Variants in TERF2IP observed in about 807,000 individuals in gnomAD.
TERF2IP encodes telomeric repeat-binding factor 2-interacting protein 1.
TERF2IP carries 35 observed loss-of-function variants against 33.3 expected under a neutral mutation model. That is an observed-to-expected ratio of 1.05 (90% CI 0.80 to 1.39). The LOEUF is 1.39. Among genes scored for constraint, TERF2IP ranks in the 40% most tolerant of loss-of-function variants. TERF2IP has a pLI of 0.00. For synonymous variants in TERF2IP, 253 were observed against 223.2 expected (o/e 1.13, Z -1.19); for missense variants, 583 against 524.8 (o/e 1.11, Z -1.08).
At chr16:75,650,745 C>T (rs979316981) in intron 1 of TERF2IP, among the ~76,000 whole-genome samples, 1 of 152,054 alleles carries the variant, frequency 6.6e-6, no homozygotes, top group Admixed American at 6.5e-5. Flanking sequence ...CCGTGTTGCC[C>T]AGGCTGGTCT....
chr16:75,656,230 T>G lies in TERF2IP; in HGVS notation c.819T>G (p.Phe273Leu), dbSNP rs1386930779. ...AGGTGGATGAGAGCCCTCCTGATTT[T>G]GAAATACATATAACTATGTGTGATG... ...EVVVDESPPD[F>L]EIHITMCDDD... The change falls in exon 3 of 3, where the codon TTT (phenylalanine) becomes TTG (leucine). Residue 273 changes from phenylalanine (F) to leucine (L), a missense_variant. Transcript: ENST00000300086. 1 of 1,609,014 alleles carries G rather than the reference T, an allele frequency of 6.2e-7. No homozygotes were observed. The highest frequency in any genetic ancestry group is 1.3e-5 in the African/African-American group (1 of 74,544).
intron 1 of TERF2IP, 152 bp downstream of exon 1, chr16:75,648,704 G>C (rs1397908604): frequency 2.1e-6 from 3 of 1,432,212 alleles, no homozygotes; most frequent in African/African-American, 1.4e-5. Context: ...CCATTTTCTT[G>C]CCTTCTCGCT....
In TERF2IP at chr16:75,656,241, T is replaced by C. The variant is rs1326359671; in HGVS notation, c.830T>C (p.Ile277Thr). 1.9e-6 allele frequency: 3 copies of C among 1,613,424 alleles called. No individual in the cohort carries two copies. The highest frequency in any genetic ancestry group is 1.7e-5 in the Admixed American group (1 of 59,854). ...DESPPDFEIH[I>T]TMCDDDPPTP... ...AGCCCTCCTGATTTTGAAATACATA[T>C]AACTATGTGTGATGATGATCCACCC... Residue 277 changes from isoleucine to threonine, a missense_variant, in exon 3 of 3, where the codon ATA becomes ACA. By Grantham distance (89) the Ile-to-Thr change is moderately conservative. Coordinates refer to ENST00000300086, the MANE Select transcript of TERF2IP (RefSeq NM_018975.4).
intron 2 of TERF2IP, among the ~76,000 whole-genome samples, chr16:75,655,672 C>G (rs2082379198): frequency 6.6e-6 from 1 of 152,206 alleles, no homozygotes; most frequent in Non-Finnish European, 1.5e-5. Context: ...TGTAATCTGT[C>G]TAACCAGTAT....
In TERF2IP at chr16:75,647,831, G is replaced by A; in HGVS notation, c.-52G>A. On this transcript the variant is annotated 5_prime_UTR_variant, in exon 1 of 3. In the 5' UTR this introduces an upstream ATG that the reference lacks. Transcript: ENST00000300086. ...GACAGCTCAGTCAGTTGAGCTCTGT[G>A]TGCCAGGCGCTCGCGAGGGGGTAGC... The A allele has an allele frequency of 6.3e-7, 1 of 1,596,750 alleles. No homozygotes were observed.
intron 1 of TERF2IP, among the ~76,000 whole-genome samples, chr16:75,650,252 G>T (rs2082337242): frequency 6.6e-6 from 1 of 152,182 alleles, no homozygotes; most frequent in Admixed American, 6.5e-5. Flanking sequence ...CCTATAGGAT[G>T]ATAAGAGAAG....
intron 1 of TERF2IP, among the ~76,000 whole-genome samples, chr16:75,649,428 C>G (rs1836547): frequency 0.13 from 19,281 of 151,810 alleles, 2,751 homozygotes; most frequent in East Asian, 0.71. Flanking sequence ...CCTGTAGTCC[C>G]AGCTACTCAG....
rs982005457 is a variant in TERF2IP, at chr16:75,657,294, A to T, written c.*683A>T. The T allele has an allele frequency of 6.6e-6, 1 of 152,240 alleles. No individual in the cohort carries two copies. Among genetic ancestry groups the T allele is most frequent in the Non-Finnish European group, 1.5e-5 (1 of 68,052 alleles). The allele number at this position is 152,240 out of a possible 1,614,324, so 9.4% of individuals were successfully genotyped here. On this transcript the variant is annotated 3_prime_UTR_variant, in exon 3 of 3. Transcript: ENST00000300086. ...GCACACAACTCTAGAGAGTGTTAAG[A>T]ATAATGTTACTTGGTTAATGTGTTA...
At position 75,654,402 on chromosome 16, in the gene TERF2IP, G is replaced by A; in HGVS notation, c.795+5G>A. The stretch of plus-strand genomic sequence containing the variant: ...CGGGAGTTTGAGGAGGTTGTGGTAT[G>A]TTAACTAGATTTACTCATTATTTTT... On this transcript the variant is annotated splice_donor_5th_base_variant and intron_variant, in intron 2 of 2. Transcript: ENST00000300086. The A allele has an allele frequency of 6.2e-7, 1 of 1,611,688 alleles. No individual in the cohort carries two copies. The highest frequency in any genetic ancestry group is 8.5e-7 in the Non-Finnish European group (1 of 1,178,432).
chr16:75,652,778 A>G (rs889934538), intron 1 of TERF2IP, among the ~76,000 whole-genome samples: 9 of 152,198 alleles, frequency 5.9e-5, no homozygotes, highest in Non-Finnish European at 1.0e-4. Flanking sequence ...GGCATTATTA[A>G]GTGCATTCAC....
At position 75,647,852 on chromosome 16, in the gene TERF2IP, G is replaced by C. The variant is rs770404909; in HGVS notation, c.-31G>C. On this transcript the variant is annotated 5_prime_UTR_variant, in exon 1 of 3. Coordinates refer to ENST00000300086, the MANE Select transcript of TERF2IP (RefSeq NM_018975.4). ...CTGTGTGCCAGGCGCTCGCGAGGGGGTAGCTCTTCTAGTAGTGCTCGGCGT... is the reference window on the plus strand; with the variant it reads ...CTGTGTGCCAGGCGCTCGCGAGGGGCTAGCTCTTCTAGTAGTGCTCGGCGT... 1.6e-5 allele frequency: 25 copies of C among 1,598,008 alleles called. No individual in the cohort carries two copies. In the Admixed American group the frequency reaches 2.1e-4, roughly 13 times the overall value.
At chr16:75,654,982 C>T (rs1216381829) in intron 2 of TERF2IP, among the ~76,000 whole-genome samples, 2 of 151,650 alleles carry the variant, frequency 1.3e-5, no homozygotes, top group African/African-American at 2.4e-5. Context: ...CCCGCCTTGG[C>T]CTCCCAAAGT....
intron 1 of TERF2IP, among the ~76,000 whole-genome samples, chr16:75,649,187 A>T (rs1369324039): frequency 6.6e-6 from 1 of 152,186 alleles, no homozygotes; most frequent in Non-Finnish European, 1.5e-5. Flanking sequence ...GTTTTAATTT[A>T]CTTTACCATT....
intron 1 of TERF2IP, among the ~76,000 whole-genome samples, chr16:75,650,266 A>G (rs1403252936): frequency 3.3e-5 from 5 of 152,194 alleles, no homozygotes; most frequent in South Asian, 2.1e-4. Flanking sequence ...AGAGAAGGTC[A>G]TTCTCATAAG....
At chr16:75,655,398 T>C (rs758929353) in intron 2 of TERF2IP, among the ~76,000 whole-genome samples, 2 of 152,228 alleles carry the variant, frequency 1.3e-5, no homozygotes, top group Non-Finnish European at 2.9e-5. Context: ...ATAAAGCGTC[T>C]TGTGAACTAA....
rs1267641767 is a variant in TERF2IP, at chr16:75,648,724, T to A, written c.670+172T>A. 5.6e-6 allele frequency: 8 copies of A among 1,426,264 alleles called. No individual in the cohort carries two copies. In the African/African-American group the frequency reaches 1.2e-4, roughly 21 times the overall value. The allele number at this position is 1,426,264 out of a possible 1,614,324, so 88.4% of individuals were successfully genotyped here. A position where few individuals can be genotyped will look rare whatever the true frequency, so the allele number is the denominator to read the frequency against. Reference sequence around the variant, plus strand: ...TTCTTGCCTTCTCGCTCCCTTGTTGTTTATTATTGTTCTTTTTTTGCGATG... The same window carrying A: ...TTCTTGCCTTCTCGCTCCCTTGTTGATTATTATTGTTCTTTTTTTGCGATG... On this transcript the variant is annotated intron_variant, in intron 1 of 2. Transcript: ENST00000300086.
chr16:75,648,672 T>C (rs569119795), intron 1 of TERF2IP, 120 bp downstream of exon 1: 4 of 1,434,510 alleles, frequency 2.8e-6, no homozygotes, highest in South Asian at 1.5e-5. Flanking sequence ...CCGCCCCCTG[T>C]TGACATCCGG....
chr16:75,653,457 C>T (rs530320983), intron 1 of TERF2IP, among the ~76,000 whole-genome samples: 1 of 152,264 alleles, frequency 6.6e-6, no homozygotes, highest in South Asian at 2.1e-4. Flanking sequence ...GGATTTAGAA[C>T]AATTCCATCA....
In TERF2IP at chr16:75,656,832, G is replaced by C. The variant is rs2082390821; in HGVS notation, c.*221G>C. 2 of 530,764 alleles carry C rather than the reference G, an allele frequency of 3.8e-6. No homozygotes were observed. The highest frequency in any genetic ancestry group is 6.6e-6 in the Non-Finnish European group (2 of 301,756). The allele number at this position is 530,764 out of a possible 1,614,324, so 32.9% of individuals were successfully genotyped here. A position where few individuals can be genotyped will look rare whatever the true frequency, so the allele number is the denominator to read the frequency against. Reference sequence around the variant, plus strand: ...TGTATTTACAGCTGTCCTTGAACAAGTATCAATGTGTTTATGAAAGGAAGA... The same window carrying C: ...TGTATTTACAGCTGTCCTTGAACAACTATCAATGTGTTTATGAAAGGAAGA... On this transcript the variant is annotated 3_prime_UTR_variant, in exon 3 of 3. Coordinates refer to ENST00000300086, the MANE Select transcript of TERF2IP (RefSeq NM_018975.4).
Sources: allele counts gnomAD v4.1 joint callset (sites outside exome capture counted in the v4.1 genomes callset), GRCh38; gene constraint gnomAD v4.1.1; transcripts MANE v1.5; gene names NCBI Gene and HGNC (gene_info 2026-07-23, HGNC 2026-07-21).